DGKH: variants seen among roughly 807,000 people sequenced by gnomAD.
DGKH encodes the protein diacylglycerol kinase eta.
In DGKH, 90 loss-of-function variants were observed where a neutral mutation model predicts 159.3. That is an observed-to-expected ratio of 0.57 (90% CI 0.48 to 0.67). The LOEUF is 0.67. Among genes scored for constraint, DGKH ranks in the 30% least tolerant of loss-of-function variants. The pLI, the probability that DGKH is intolerant of heterozygous loss-of-function variation, is 0.00. For missense variants in DGKH, 1,181 were observed against 1,506.1 expected (o/e 0.78, Z 3.57); for synonymous variants, 536 against 553.8 (o/e 0.97, Z 0.45).
intron 1 of DGKH, among the ~76,000 whole-genome samples, chr13:42,111,359 C>T (rs1390482019): frequency 5.9e-5 from 9 of 152,128 alleles, no homozygotes. Context: ...GTGGGCAGAT[C>T]TCTTGAGGTC....
Position 42,070,084 on chromosome 13 carries a change from T to C in DGKH, c.192+21119T>C, listed in dbSNP as rs933654218. On this transcript the variant is annotated intron_variant, in intron 1 of 29. Coordinates refer to ENST00000337343, the MANE Select transcript of DGKH (RefSeq NM_178009.5). Reference sequence around the variant, plus strand: ...CATAAGCAAAATATTATGAGCTTCATCTTCAATATGAAAAGGATGGCTTGA... The same window carrying C: ...CATAAGCAAAATATTATGAGCTTCACCTTCAATATGAAAAGGATGGCTTGA... The C allele has an allele frequency of 1.8e-4, 176 of 963,198 alleles. No individual in the cohort carries two copies. In the African/African-American group the frequency reaches 2.5e-3, roughly 14 times the overall value. 59.7% of individuals were successfully genotyped at this position (963,198 alleles called of 1,614,324 possible). A position where few individuals can be genotyped will look rare whatever the true frequency, so the allele number is the denominator to read the frequency against.
At position 42,236,652 on chromosome 13, in the gene DGKH, G is replaced by A. The variant is rs1404593123; in HGVS notation, c.*7464G>A. On this transcript the variant is annotated 3_prime_UTR_variant, in exon 30 of 30. Transcript: ENST00000337343. ...TAGGAATCTTGAACCATGGCTGAGC[G>A]CTGTTGCTCAGGCCTGTAATCCCAG... The A allele has an allele frequency of 2.0e-5, 3 of 152,168 alleles. No individual in the cohort carries two copies. The highest frequency in any genetic ancestry group is 6.5e-5 in the Admixed American group (1 of 15,282). The allele number at this position is 152,168 out of a possible 1,614,324, so 9.4% of individuals were successfully genotyped here.
intron 1 of DGKH, among the ~76,000 whole-genome samples, chr13:42,071,568 C>G (rs568145523): frequency 6.6e-6 from 1 of 152,228 alleles, no homozygotes; most frequent in Non-Finnish European, 1.5e-5. Flanking sequence ...CTGGTAAGCA[C>G]TATTTGCGTT....
upstream of DGKH, among the ~76,000 whole-genome samples, chr13:42,045,196 T>C (rs549647911): frequency 6.6e-6 from 1 of 152,282 alleles, no homozygotes; most frequent in African/African-American, 2.4e-5. Flanking sequence ...CCAGGTATCC[T>C]GTGACTACCC....
At chr13:42,093,196 A>T (rs1187484290) in intron 1 of DGKH, among the ~76,000 whole-genome samples, 1 of 151,560 alleles carries the variant, frequency 6.6e-6, no homozygotes, top group South Asian at 2.1e-4. Flanking sequence ...GTGAACTGAG[A>T]TCATGCTACT....
At chr13:42,182,285 C>T (rs1956785998) in intron 13 of DGKH, among the ~76,000 whole-genome samples, 1 of 152,212 alleles carries the variant, frequency 6.6e-6, no homozygotes, top group Non-Finnish European at 1.5e-5. Context: ...CCACTGTACC[C>T]ATCATTCAGT....
At chr13:42,070,839 A>G in intron 1 of DGKH, 1 of 1,332,398 alleles carries the variant, frequency 7.5e-7, no homozygotes, top group Non-Finnish European at 1.1e-6. Context: ...TCCCACTGGG[A>G]CCAGGAATTT....
chr13:42,148,014 T>C (rs2137917628), intron 3 of DGKH, among the ~76,000 whole-genome samples: 1 of 152,336 alleles, frequency 6.6e-6, no homozygotes, highest in Non-Finnish European at 1.5e-5. Context: ...AATATTGTTC[T>C]TAAGGGGAGA....
At chr13:42,120,034 TTA>T (rs1367665260) in intron 1 of DGKH, among the ~76,000 whole-genome samples, 8 of 152,230 alleles carry the variant, frequency 5.3e-5, no homozygotes, top group Non-Finnish European at 1.0e-4. Context: ...CAGTGTCCTT[TTA>T]TGAGTCACAA....
intron 1 of DGKH, among the ~76,000 whole-genome samples, chr13:42,075,507 A>G (rs1271849171): frequency 6.6e-6 from 1 of 152,198 alleles, no homozygotes; most frequent in African/African-American, 2.4e-5. Context: ...ATATAAAATA[A>G]CTTTTTCTTT....
intron 16 of DGKH, among the ~76,000 whole-genome samples, chr13:42,193,923 ATT>A (rs1957144217): frequency 6.6e-6 from 1 of 152,156 alleles, no homozygotes; most frequent in African/African-American, 2.4e-5. Flanking sequence ...TAAAGGTACC[ATT>A]TGCTCTGCAT....
downstream of DGKH, among the ~76,000 whole-genome samples, chr13:42,245,183 G>T (rs1958571549): frequency 6.6e-6 from 1 of 152,120 alleles, no homozygotes. Flanking sequence ...AGCAAAAACT[G>T]ATTATCTAAA....
At chr13:42,071,604 A>G (rs1882974201) in intron 1 of DGKH, among the ~76,000 whole-genome samples, 1 of 152,178 alleles carries the variant, frequency 6.6e-6, no homozygotes, top group Non-Finnish European at 1.5e-5. Context: ...CTTTGTTGCT[A>G]TATATTTCAA....
rs1274227547 is a variant in DGKH, at chr13:42,239,685, T to TGGAAAA, written c.*10497_*10498insGGAAAA. 9.8e-5 allele frequency: 15 copies of TGGAAAA among 152,576 alleles called. No individual in the cohort carries two copies. Among genetic ancestry groups the TGGAAAA allele is most frequent in the African/African-American group, 3.6e-4 (15 of 41,446 alleles). The allele number at this position is 152,576 out of a possible 1,614,324, so 9.5% of individuals were successfully genotyped here. On this transcript the variant is annotated 3_prime_UTR_variant, in exon 30 of 30. Transcript: ENST00000337343. ...GTTTTTTTCCAGCAACTAGTTTTTC[T>TGGAAAA]ACTTTCACTCTTTCCCACCAGAGTG...
At chr13:42,200,290 A>C (rs763403116) in intron 20 of DGKH, among the ~76,000 whole-genome samples, 10 of 152,232 alleles carry the variant, frequency 6.6e-5, no homozygotes, top group Non-Finnish European at 1.5e-4. Flanking sequence ...AGTAAATAGA[A>C]TCTTTTAATT....
intron 1 of DGKH, among the ~76,000 whole-genome samples, chr13:42,099,123 A>G (rs1233558665): frequency 1.3e-5 from 2 of 152,158 alleles, no homozygotes; most frequent in African/African-American, 4.8e-5. Flanking sequence ...TCTCGCCCAC[A>G]CTAATTCATA....
At chr13:42,255,032 GTAAA>G (rs1958647910) in intron 30 of DGKH, among the ~76,000 whole-genome samples, 1 of 151,730 alleles carries the variant, frequency 6.6e-6, no homozygotes, top group Non-Finnish European at 1.5e-5. Context: ...ATATATTGGG[GTAAA>G]TAAAATCTAT....
At chr13:42,144,877 A>T (rs1184868120) in intron 3 of DGKH, among the ~76,000 whole-genome samples, 2 of 152,194 alleles carry the variant, frequency 1.3e-5, no homozygotes, top group Non-Finnish European at 2.9e-5. Flanking sequence ...ACCCTTTTAA[A>T]TAGGATTTAG....
intron 1 of DGKH, among the ~76,000 whole-genome samples, chr13:42,053,782 C>T (rs1881548781): frequency 6.6e-6 from 1 of 151,852 alleles, no homozygotes; most frequent in Non-Finnish European, 1.5e-5. Flanking sequence ...CCATGCCCAG[C>T]TAATTTTTTT....
Sources: allele counts gnomAD v4.1 joint callset (sites outside exome capture counted in the v4.1 genomes callset), GRCh38; gene constraint gnomAD v4.1.1; transcripts MANE v1.5; gene names NCBI Gene and HGNC (gene_info 2026-07-23, HGNC 2026-07-21).